LY75: variants seen among roughly 807,000 people sequenced by gnomAD.
LY75 encodes the protein C-type lectin domain family 13 member B.
Under a neutral mutation model 231.7 loss-of-function variants are expected in LY75, and 185 were observed. That is an observed-to-expected ratio of 0.80 (90% confidence interval 0.71 to 0.90). LY75 has a LOEUF of 0.90. LY75 is among the 40% of genes least tolerant of loss of function. The pLI is 0.00. For missense variants in LY75, 1,947 were observed against 2,050.2 expected (o/e 0.95, Z 0.97); for synonymous variants, 668 against 689.0 (o/e 0.97, Z 0.48).
Position 159,850,443 on chromosome 2 carries a change from A to G in LY75, c.2908T>C (p.Ser970Pro), listed in dbSNP as rs1224817486. Residue 970 changes from serine (S) to proline (P), a missense_variant, in exon 22 of 35, where the codon TCT becomes CCT. Ser to Pro is a moderately conservative substitution (Grantham distance 74, BLOSUM62 -1). Transcript: ENST00000263636. Reference sequence around the variant, plus strand: ...TCGCTTGCTTGAGAAAATGTGAGAGACACGGGTTTGATCTTTAGAAAACAC... The same window carrying G: ...TCGCTTGCTTGAGAAAATGTGAGAGGCACGGGTTTGATCTTTAGAAAACAC... ...NKCFLKIKPVSLTFSQASDTC... is the reference protein window; with the variant it reads ...NKCFLKIKPVPLTFSQASDTC... 1 of 1,613,414 alleles carries G rather than the reference A, an allele frequency of 6.2e-7. No individual in the cohort carries two copies. Among genetic ancestry groups the G allele is most frequent in the African/African-American group, 1.3e-5 (1 of 74,854 alleles).
At chr2:159,830,554 C>T (rs1419681987) in intron 28 of LY75, among the ~76,000 whole-genome samples, 1 of 151,608 alleles carries the variant, frequency 6.6e-6, no homozygotes, top group East Asian at 1.9e-4. Flanking sequence ...AATATTCGAG[C>T]CCATTGTCAG....
chr2:159,831,882 A>T, intron 27 of LY75, 96 bp from the exon 28 acceptor site: 1 of 939,422 alleles, frequency 1.1e-6, no homozygotes, highest in Non-Finnish European at 1.5e-6. Flanking sequence ...AGTTTAATAT[A>T]CTTCAAAATA....
chr2:159,884,397 TCTC>T (rs1685525898), intron 6 of LY75, among the ~76,000 whole-genome samples: 1 of 152,106 alleles, frequency 6.6e-6, no homozygotes, highest in African/African-American at 2.4e-5. Context: ...ACACTCCTCT[TCTC>T]CATTCTTTCA....
At position 159,875,619 on chromosome 2, in the gene LY75, A is replaced by G; in HGVS notation, c.1799T>C (p.Met600Thr). ...EPASPGGCVA[M>T]STGKSVGKWE... ...CTTTCCAACAGACTTTCCAGTAGAC[A>G]TAGCCACGCAGCCGCCCGGGGAAGC... The change falls in exon 12 of 35, where the codon ATG (methionine) becomes ACG (threonine). Residue 600 changes from methionine to threonine, a missense_variant. By Grantham distance (81) the Met-to-Thr change is moderately conservative (BLOSUM62 -1). Coordinates refer to ENST00000263636, the MANE Select transcript of LY75 (RefSeq NM_002349.4). 1 of 1,613,916 alleles carries G rather than the reference A, an allele frequency of 6.2e-7. No homozygotes were observed.
At chr2:159,898,239 C>T (rs995522136) in intron 2 of LY75, among the ~76,000 whole-genome samples, 2 of 152,162 alleles carry the variant, frequency 1.3e-5, no homozygotes, top group African/African-American at 4.8e-5. Flanking sequence ...CTCAGTCTCT[C>T]GAGAAGCTGG....
Position 159,904,683 on chromosome 2 carries a change from C to G in LY75, c.-1G>C. ...GAGGGGTCGCCCAGCCTGTCCTCAT[C>G]CTGAGCTGGCGCAAGCCTTCCGGCC... On this transcript the variant is annotated 5_prime_UTR_variant, in exon 1 of 35. Coordinates refer to ENST00000263636, the MANE Select transcript of LY75 (RefSeq NM_002349.4). 1 of 1,444,796 alleles carries G rather than the reference C, an allele frequency of 6.9e-7. No homozygotes were observed. The allele number at this position is 1,444,796 out of a possible 1,614,324, so 89.5% of individuals were successfully genotyped here.
chr2:159,843,556 C>T (rs1684107468), intron 23 of LY75, among the ~76,000 whole-genome samples: 1 of 151,452 alleles, frequency 6.6e-6, no homozygotes, highest in Non-Finnish European at 1.5e-5. Flanking sequence ...CTTATATAAT[C>T]CTTATATTGA....
chr2:159,858,537 A>C, intron 15 of LY75, 61 bp from the exon 16 acceptor site: 1 of 1,530,914 alleles, frequency 6.5e-7, no homozygotes, highest in Non-Finnish European at 8.7e-7. Context: ...TGGAACACTA[A>C]ACTGTAAGCC....
intron 33 of LY75, chr2:159,807,963 T>G: frequency 1.1e-6 from 1 of 938,586 alleles, no homozygotes; most frequent in Non-Finnish European, 1.3e-6. Context: ...AACCTAACAC[T>G]AAGACAGTTT....
In LY75 at chr2:159,852,269, C is replaced by T; in HGVS notation, c.2815G>A (p.Glu939Lys). ...ICEKYNVSSL[E>K]KYSPDSAAKV... ...GCTGCAGAATCTGGGCTGTATTTCTCTAACGAAGAAACATTATATTTTTCA... is the reference window on the plus strand; with the variant it reads ...GCTGCAGAATCTGGGCTGTATTTCTTTAACGAAGAAACATTATATTTTTCA... The change falls in exon 21 of 35, where the codon GAG becomes AAG. Residue 939 changes from glutamate (E) to lysine (K), a missense_variant. Glu to Lys is a moderately conservative substitution (Grantham distance 56). Coordinates refer to ENST00000263636, the MANE Select transcript of LY75 (RefSeq NM_002349.4). 6.2e-7 allele frequency: 1 copy of T among 1,614,060 alleles called. No homozygotes were observed. The highest frequency in any genetic ancestry group is 8.5e-7 in the Non-Finnish European group (1 of 1,179,980).
intron 23 of LY75, among the ~76,000 whole-genome samples, chr2:159,844,246 C>T (rs1471302355): frequency 6.6e-6 from 1 of 151,114 alleles, no homozygotes; most frequent in African/African-American, 2.4e-5. Flanking sequence ...TCTGAGCACC[C>T]AGATTTTACA....
chr2:159,862,846 G>A (rs1274650500), intron 14 of LY75, among the ~76,000 whole-genome samples: 1 of 151,960 alleles, frequency 6.6e-6, no homozygotes, highest in African/African-American at 2.4e-5. Context: ...CATTTTTCAA[G>A]AATATAAAAT....
chr2:159,814,140 T>C (rs1339279404), intron 31 of LY75: 1 of 152,256 alleles, frequency 6.6e-6, no homozygotes, highest in African/African-American at 2.4e-5. Flanking sequence ...CGGAAACCAA[T>C]GCCACCACCC....
chr2:159,849,127 T>C (rs1454276311), intron 23 of LY75, among the ~76,000 whole-genome samples: 1 of 152,228 alleles, frequency 6.6e-6, no homozygotes, highest in African/African-American at 2.4e-5. Context: ...ATTTATATTG[T>C]ACATAGTTAC....
chr2:159,890,329 C>A lies in LY75; in HGVS notation c.686G>T (p.Cys229Phe). The change falls in exon 4 of 35, where the codon TGC (cysteine) becomes TTC (phenylalanine). Residue 229 changes from cysteine to phenylalanine, a missense_variant. Transcript: ENST00000263636. ...AGCCGTCTGAGTATTAAATTGGTAG[C>A]AACTTCCAAACTGCTCGTTCTTTTC... ...NWEKNEQFGS[C>F]YQFNTQTALS... is the part of the protein sequence containing the mutation. 3 of 1,613,466 alleles carry A rather than the reference C, an allele frequency of 1.9e-6. No homozygotes were observed. In the South Asian group the frequency reaches 3.3e-5, roughly 18 times the overall value.
intron 14 of LY75, among the ~76,000 whole-genome samples, chr2:159,861,991 C>CA (rs922822131): frequency 4.0e-5 from 6 of 151,724 alleles, no homozygotes; most frequent in Non-Finnish European, 7.4e-5. Context: ...CCTATCTCTA[C>CA]AAAAAAATAT....
chr2:159,875,726 C>T, intron 11 of LY75, 83 bp from the exon 12 acceptor site: 4 of 1,528,844 alleles, frequency 2.6e-6, no homozygotes, highest in Non-Finnish European at 2.6e-6. Flanking sequence ...TTTACTTCAG[C>T]CAAGTTGGGG....
chr2:159,848,091 T>TACACACACACACACACACACACACACAC (rs1427865594), intron 23 of LY75, among the ~76,000 whole-genome samples: 2 of 8,294 alleles, frequency 2.4e-4, no homozygotes, highest in Non-Finnish European at 6.6e-4. Flanking sequence ...TATATATATA[T>TACACACACACACACACACACACACACAC]ATACACACAC....
chr2:159,896,062 A>T (rs1054344807), intron 2 of LY75, among the ~76,000 whole-genome samples: 1 of 152,224 alleles, frequency 6.6e-6, no homozygotes, highest in East Asian at 1.9e-4. Flanking sequence ...CTAGCAAATT[A>T]ATGTCATCAG....
Sources: gnomAD v4.1 joint callset for allele counts (sites outside exome capture counted in the v4.1 genomes callset) on GRCh38, gnomAD v4.1.1 for gene constraint, MANE v1.5 for transcripts, NCBI Gene and HGNC (gene_info 2026-07-23, HGNC 2026-07-21) for gene names.